SCOC: variants seen among roughly 807,000 people sequenced by gnomAD.
The protein encoded by SCOC is short coiled-coil protein, also known as short coiled coil protein.
In SCOC, 7 loss-of-function variants were observed where a neutral mutation model predicts 9.9. The observed-to-expected ratio is 0.71, with a 90% CI of 0.40 to 1.33. The LOEUF is 1.33. Among genes scored for constraint, SCOC ranks in the 40% most tolerant of loss-of-function variants. The pLI, the probability that SCOC is intolerant of heterozygous loss-of-function variation, is 0.01. For synonymous variants in SCOC, 19 were observed against 28.2 expected, an observed-to-expected ratio of 0.67 and a Z score of 1.03; for missense variants, 66 against 89.7, an observed-to-expected ratio of 0.74 and a Z score of 1.07.
rs1298075327 is a variant in SCOC, at chr4:140,385,524, T to C, written c.*4420T>C. On this transcript the variant is annotated 3_prime_UTR_variant, in exon 4 of 4. Transcript: ENST00000608372. ...TTTTGTAGAAGAGTAACCAAAATCA[T>C]GTATGCATTTAGTTCCAACTAGTTA... The C allele has an allele frequency of 2.0e-5, 3 of 152,188 alleles. No homozygotes were observed. Among genetic ancestry groups the C allele is most frequent in the Admixed American group, 6.5e-5 (1 of 15,276 alleles). 9.4% of individuals were successfully genotyped at this position (152,188 alleles called of 1,614,324 possible).
upstream of SCOC, among the ~76,000 whole-genome samples, chr4:140,371,349 C>T (rs2668572): frequency 0.04 from 6,152 of 152,160 alleles, 147 homozygotes; most frequent in South Asian, 0.095. Flanking sequence ...TTCCCTACGG[C>T]GATATACAGA....
At chr4:140,318,543 C>G (rs547283970) in intron 1 of SCOC, among the ~76,000 whole-genome samples, 1 of 115,192 alleles carries the variant, frequency 8.7e-6, no homozygotes, top group South Asian at 3.3e-4. Context: ...TCATCTCATA[C>G]CAGTTAGAAT....
At chr4:140,353,384 G>A (rs571768793) in intron 2 of SCOC, among the ~76,000 whole-genome samples, 101 of 151,816 alleles carry the variant, frequency 6.7e-4, no homozygotes, top group African/African-American at 2.3e-3. Flanking sequence ...CTAGATAGGC[G>A]TTAGTATTCA....
chr4:140,356,907 A>C (rs1275439692), intron 2 of SCOC, among the ~76,000 whole-genome samples: 1 of 152,218 alleles, frequency 6.6e-6, no homozygotes, highest in Non-Finnish European at 1.5e-5. Context: ...TATAATCCTC[A>C]GTATATCCTT....
At chr4:140,362,301 T>TCTTCTTCTCTTCTTCTCTTCTTCTTCTTC in intron 2 of SCOC, among the ~76,000 whole-genome samples, 1 of 29,410 alleles carries the variant, frequency 3.4e-5, no homozygotes, top group Non-Finnish European at 7.4e-5. Context: ...TTCTTCTTCT[T>TCTTCTTCTCTTCTTCTCTTCTTCTTCTTC]TTTTTTTTTT....
At chr4:140,327,107 C>T (rs1253002503) in intron 1 of SCOC, among the ~76,000 whole-genome samples, 1 of 152,152 alleles carries the variant, frequency 6.6e-6, no homozygotes, top group Non-Finnish European at 1.5e-5. Flanking sequence ...TTTTCCTGTT[C>T]CCACCTGCAT....
intron 1 of SCOC, among the ~76,000 whole-genome samples, chr4:140,320,631 G>A (rs951776469): frequency 6.6e-5 from 10 of 152,124 alleles, no homozygotes; most frequent in Admixed American, 2.0e-4. Context: ...GTAGATCAAG[G>A]AGAAGCCTCA....
At chr4:140,333,674 T>C (rs1374215699) in intron 1 of SCOC, among the ~76,000 whole-genome samples, 1 of 151,792 alleles carries the variant, frequency 6.6e-6, no homozygotes, top group Non-Finnish European at 1.5e-5. Context: ...GAACTGGGAG[T>C]CTTGGAAGGC....
intron 2 of SCOC, among the ~76,000 whole-genome samples, chr4:140,350,454 A>G (rs1726929383): frequency 1.3e-5 from 2 of 152,210 alleles, no homozygotes; most frequent in Admixed American, 6.5e-5. Context: ...GTTGACTCCT[A>G]GGGTTGGTTT....
intron 1 of SCOC, among the ~76,000 whole-genome samples, chr4:140,258,975 A>G (rs1052080128): frequency 2.6e-5 from 4 of 152,252 alleles, no homozygotes; most frequent in Non-Finnish European, 5.9e-5. Context: ...TTACCGCTGA[A>G]CAATGGCCTG....
chr4:140,359,421 CAAGG>C (rs1040306702), intron 2 of SCOC, among the ~76,000 whole-genome samples: 1 of 152,134 alleles, frequency 6.6e-6, no homozygotes, highest in African/African-American at 2.4e-5. Context: ...CTAAGACCAA[CAAGG>C]AAGGTTGTGT....
chr4:140,341,157 T>C (rs2126508201), upstream of SCOC, among the ~76,000 whole-genome samples: 1 of 152,124 alleles, frequency 6.6e-6, no homozygotes, highest in Non-Finnish European at 1.5e-5. Flanking sequence ...TTGAAGAATA[T>C]CAGAAAAAAG....
At chr4:140,282,683 C>T (rs6838209) in intron 1 of SCOC, among the ~76,000 whole-genome samples, 26 of 152,228 alleles carry the variant, frequency 1.7e-4, no homozygotes, top group African/African-American at 5.8e-4. Flanking sequence ...GACTCTTCAT[C>T]GTCAGCTGTG....
chr4:140,347,469 G>T (rs1214362319), intron 2 of SCOC, among the ~76,000 whole-genome samples: 1 of 152,128 alleles, frequency 6.6e-6, no homozygotes, highest in African/African-American at 2.4e-5. Context: ...TGGCTTTGAT[G>T]CCACCGCACG....
At chr4:140,291,767 TG>T (rs558967192) in intron 1 of SCOC, among the ~76,000 whole-genome samples, 2 of 152,180 alleles carry the variant, frequency 1.3e-5, no homozygotes, top group Admixed American at 6.5e-5. Flanking sequence ...TCAGCTCTAT[TG>T]GGGGGGCTGT....
upstream of SCOC, among the ~76,000 whole-genome samples, chr4:140,372,897 A>T (rs552988996): frequency 2.0e-5 from 3 of 152,314 alleles, no homozygotes; most frequent in East Asian, 3.9e-4. Context: ...TTGATACCGT[A>T]TATGTGACCT....
chr4:140,373,968 G>A (rs1217159619), intron 1 of SCOC: 2 of 666,224 alleles, frequency 3.0e-6, no homozygotes, highest in Non-Finnish European at 5.5e-6. Flanking sequence ...GGGACCTCTC[G>A]CGGTCCCTGA....
intron 1 of SCOC, among the ~76,000 whole-genome samples, chr4:140,281,031 T>A (rs554607862): frequency 1.3e-5 from 2 of 152,140 alleles, no homozygotes; most frequent in Non-Finnish European, 2.9e-5. Context: ...TGATATTGAA[T>A]ACAAGATTTA....
chr4:140,340,828 G>C (rs902403728), upstream of SCOC, among the ~76,000 whole-genome samples: 18 of 116,222 alleles, frequency 1.5e-4, no homozygotes, highest in Non-Finnish European at 2.7e-4. Flanking sequence ...GTCTCGCTCT[G>C]TTGCCCAGGC....
Sources: gnomAD v4.1 joint callset for allele counts (sites outside exome capture counted in the v4.1 genomes callset) on GRCh38, gnomAD v4.1.1 for gene constraint, MANE v1.5 for transcripts, NCBI Gene and HGNC (gene_info 2026-07-23, HGNC 2026-07-21) for gene names.